Variants in ATP8A2 observed in about 807,000 individuals in gnomAD.
ATP8A2 encodes the protein phospholipid-transporting ATPase IB.
In ATP8A2, 100 loss-of-function variants were observed where a neutral mutation model predicts 165.6. The ratio of observed to expected loss-of-function variants is 0.60; its 90% CI spans 0.51 to 0.71. ATP8A2 has a LOEUF of 0.71. Among genes scored for constraint, ATP8A2 ranks in the 30% least tolerant of loss-of-function variants. ATP8A2 has a pLI of 0.00. For synonymous variants in ATP8A2, 543 were observed against 548.8 expected (o/e 0.99, Z 0.15); for missense variants, 1,227 against 1,479.5 (o/e 0.83, Z 2.80).
intron 36 of ATP8A2, among the ~76,000 whole-genome samples, chr13:26,017,785 C>A (rs1957012951): frequency 1.3e-5 from 2 of 152,240 alleles, no homozygotes; most frequent in East Asian, 3.9e-4. Context: ...AGCATATCCG[C>A]CCCCAAGGGA....
chr13:25,462,646 C>T (rs569069671), intron 1 of ATP8A2, among the ~76,000 whole-genome samples: 1 of 152,248 alleles, frequency 6.6e-6, no homozygotes, highest in South Asian at 2.1e-4. Flanking sequence ...ACCTCCATCC[C>T]CCTTTCCCCT....
chr13:25,687,418 C>T (rs921137995), intron 24 of ATP8A2, among the ~76,000 whole-genome samples: 15 of 152,162 alleles, frequency 9.9e-5, no homozygotes, highest in African/African-American at 3.6e-4. Flanking sequence ...AAGTGACTCT[C>T]ATCAGGCTGT....
Position 26,023,211 on chromosome 13 carries a change from C to G in ATP8A2, c.*3226C>G, listed in dbSNP as rs1957110488. ...GGCTTCTTGACCAGGGTTATGTTCA[C>G]CCATCTCCCAACACACACATGCACA... On this transcript the variant is annotated 3_prime_UTR_variant, in exon 37 of 37. Transcript: ENST00000381655. 6.6e-6 allele frequency: 1 copy of G among 152,232 alleles called. No individual in the cohort carries two copies. Among genetic ancestry groups the G allele is most frequent in the African/African-American group, 2.4e-5 (1 of 41,432 alleles). The allele number at this position is 152,232 out of a possible 1,614,324, so 9.4% of individuals were successfully genotyped here.
intron 15 of ATP8A2, 55 bp from the exon 16 acceptor site, chr13:25,563,901 G>T: frequency 7.7e-7 from 1 of 1,306,376 alleles, no homozygotes; most frequent in Non-Finnish European, 1.1e-6. Context: ...CCAGGTTTGG[G>T]TTAGCTTAAC....
At chr13:25,963,005 AC>A (rs1202413792) in intron 34 of ATP8A2, among the ~76,000 whole-genome samples, 2 of 152,182 alleles carry the variant, frequency 1.3e-5, no homozygotes, top group Admixed American at 6.5e-5. Flanking sequence ...ATTTGGTAAA[AC>A]CATATTCTGC....
intron 10 of ATP8A2, among the ~76,000 whole-genome samples, chr13:25,549,432 C>T (rs1265118535): frequency 5.3e-5 from 8 of 149,970 alleles, no homozygotes; most frequent in African/African-American, 2.0e-4. Context: ...TGCACTCCAG[C>T]CTGGGCAACA....
intron 24 of ATP8A2, among the ~76,000 whole-genome samples, chr13:25,693,295 C>G (rs2042766928): frequency 1.3e-5 from 2 of 152,172 alleles, no homozygotes; most frequent in South Asian, 4.1e-4. Flanking sequence ...AATTGGCTCG[C>G]TTGAGAACTG....
intron 30 of ATP8A2, among the ~76,000 whole-genome samples, chr13:25,846,157 A>G (rs1022870510): frequency 6.6e-6 from 1 of 152,234 alleles, no homozygotes; most frequent in Non-Finnish European, 1.5e-5. Flanking sequence ...CCTGGGTGAC[A>G]AGAGCGAAAC....
intron 30 of ATP8A2, among the ~76,000 whole-genome samples, chr13:25,849,959 A>T (rs1951965671): frequency 6.6e-6 from 1 of 152,222 alleles, no homozygotes; most frequent in Admixed American, 6.5e-5. Context: ...AATGTGACTT[A>T]GTATTTTATC....
intron 25 of ATP8A2, among the ~76,000 whole-genome samples, chr13:25,765,880 G>A (rs920674715): frequency 6.6e-6 from 1 of 152,104 alleles, no homozygotes; most frequent in African/African-American, 2.4e-5. Context: ...GTCTGTTTAG[G>A]TCCTTCCCTG....
chr13:25,522,586 A>G (rs772888547), intron 2 of ATP8A2, among the ~76,000 whole-genome samples: 2 of 152,042 alleles, frequency 1.3e-5, no homozygotes, highest in Non-Finnish European at 2.9e-5. Context: ...TGTTCCTTCT[A>G]TATCTAGTTT....
intron 33 of ATP8A2, among the ~76,000 whole-genome samples, chr13:25,939,757 G>T (rs78279788): frequency 1.3e-5 from 2 of 152,040 alleles, no homozygotes; most frequent in Non-Finnish European, 1.5e-5. Flanking sequence ...TCCCTGGTTC[G>T]GCTGCCTCCT....
At position 25,937,848 on chromosome 13, in the gene ATP8A2, CAAAAAAAAAAAAA is replaced by C. The variant is rs57258286; in HGVS notation, c.3184-23716_3184-23704del. The stretch of plus-strand genomic sequence containing the variant: ...TGGGGGACAGAGCGAGACTCCGTCT[CAAAAAAAAAAAAA>C]AAAAAAAAAAGACCAAAGACATAGG... On this transcript the variant is annotated intron_variant, in intron 33 of 36. Transcript: ENST00000381655. Among the ~76,000 whole-genome samples the C allele has an allele frequency of 3.6e-5, 3 of 83,558 alleles. No individual in the cohort carries two copies. The South Asian group carries it at 1.4e-3, about 39-fold the overall frequency. 54.8% of individuals were successfully genotyped at this position (83,558 alleles called of 152,430 possible).
intron 2 of ATP8A2, among the ~76,000 whole-genome samples, chr13:25,495,143 T>G (rs1324539473): frequency 6.6e-6 from 1 of 151,900 alleles, no homozygotes; most frequent in Non-Finnish European, 1.5e-5. Context: ...GTCGACAACG[T>G]TCCAGTTATA....
chr13:25,572,186 G>A (rs2039486009), intron 18 of ATP8A2, among the ~76,000 whole-genome samples: 1 of 152,158 alleles, frequency 6.6e-6, no homozygotes, highest in African/African-American at 2.4e-5. Flanking sequence ...CCAGGCTAGA[G>A]TGCAGTGGTG....
chr13:25,427,014 C>T (rs2034468196), intron 1 of ATP8A2, among the ~76,000 whole-genome samples: 1 of 152,104 alleles, frequency 6.6e-6, no homozygotes, highest in Admixed American at 6.5e-5. Flanking sequence ...ATGTAAAACA[C>T]CAGCGCAAGA....
At chr13:25,808,675 A>G (rs1377169001) in intron 27 of ATP8A2, among the ~76,000 whole-genome samples, 1 of 151,378 alleles carries the variant, frequency 6.6e-6, no homozygotes, top group African/African-American at 2.4e-5. Flanking sequence ...CCTGGGCTCA[A>G]CCTCCCACCT....
intron 8 of ATP8A2, 144 bp from the exon 9 acceptor site, chr13:25,541,775 G>A (rs2038484898): frequency 1.3e-6 from 1 of 787,198 alleles, no homozygotes; most frequent in East Asian, 2.6e-5. Flanking sequence ...TGCCTTGAGG[G>A]GCTGACAGTT....
chr13:25,604,816 A>G (rs1418219101), intron 24 of ATP8A2, among the ~76,000 whole-genome samples: 32 of 152,210 alleles, frequency 2.1e-4, no homozygotes, highest in African/African-American at 7.7e-4. Context: ...TGTTTTTGAT[A>G]GATAGTCCAT....
Sources: gnomAD v4.1 joint callset for allele counts (sites outside exome capture counted in the v4.1 genomes callset) on GRCh38, gnomAD v4.1.1 for gene constraint, MANE v1.5 for transcripts, NCBI Gene and HGNC (gene_info 2026-07-23, HGNC 2026-07-21) for gene names.